Variants in GPC6 observed in about 807,000 individuals in gnomAD.
GPC6 encodes the protein glypican 6.
A neutral mutation model predicts 55.2 loss-of-function variants in GPC6; 14 were observed. That is an observed-to-expected ratio of 0.25 (90% confidence interval 0.17 to 0.40). The LOEUF (loss-of-function observed/expected upper bound fraction) is 0.40, where lower values mean the gene tolerates loss of function less well. Among genes scored for constraint, GPC6 ranks in the 10% least tolerant of loss-of-function variants. The pLI, the probability that GPC6 is intolerant of heterozygous loss-of-function variation, is 1.00. For synonymous variants in GPC6, 278 were observed against 259.6 expected (o/e 1.07, Z -0.68); for missense variants, 641 against 708.5 (o/e 0.90, Z 1.08).
At chr13:93,740,212 T>C (rs918130595) in intron 2 of GPC6, among the ~76,000 whole-genome samples, 5 of 114,080 alleles carry the variant, frequency 4.4e-5, no homozygotes, top group Admixed American at 1.8e-4. Flanking sequence ...GGTCTAATTT[T>C]AATTATATTA....
chr13:94,216,330 A>T (rs9516369), intron 4 of GPC6, among the ~76,000 whole-genome samples: 212 of 152,230 alleles, frequency 1.4e-3, no homozygotes, highest in Non-Finnish European at 2.2e-3. Context: ...AATCTAAGTC[A>T]TAAACTTCAG....
intron 4 of GPC6, among the ~76,000 whole-genome samples, chr13:94,232,772 C>T (rs562959581): frequency 6.6e-6 from 1 of 152,064 alleles, no homozygotes; most frequent in Non-Finnish European, 1.5e-5. Context: ...GGAAGAACAT[C>T]CGTGAGTTTT....
At chr13:94,378,242 CTGAT>C (rs1267422930) in intron 6 of GPC6, among the ~76,000 whole-genome samples, 1 of 151,924 alleles carries the variant, frequency 6.6e-6, no homozygotes, top group Non-Finnish European at 1.5e-5. Flanking sequence ...CTGGATGTGT[CTGAT>C]TATTTATGGT....
intron 4 of GPC6, among the ~76,000 whole-genome samples, chr13:94,029,206 C>G (rs1441763812): frequency 6.6e-6 from 1 of 152,120 alleles, no homozygotes; most frequent in Admixed American, 6.5e-5. Flanking sequence ...GGCTAATTCA[C>G]CATTTTGCTT....
intron 2 of GPC6, among the ~76,000 whole-genome samples, chr13:93,728,922 T>A (rs192012816): frequency 6.6e-6 from 1 of 152,236 alleles, no homozygotes; most frequent in East Asian, 1.9e-4. Flanking sequence ...CTTTTCTAGA[T>A]CAGCAATATC....
chr13:93,659,822 T>C (rs764054015), intron 2 of GPC6, among the ~76,000 whole-genome samples: 13 of 152,056 alleles, frequency 8.5e-5, no homozygotes, highest in Non-Finnish European at 1.9e-4. Flanking sequence ...CTCTGTCTAT[T>C]CTCTCAGTAA....
At chr13:93,725,828 A>G (rs1883617284) in intron 2 of GPC6, among the ~76,000 whole-genome samples, 1 of 152,096 alleles carries the variant, frequency 6.6e-6, no homozygotes. Flanking sequence ...CCACACATGC[A>G]CTATTAAATA....
intron 2 of GPC6, among the ~76,000 whole-genome samples, chr13:93,817,558 A>T (rs1466646415): frequency 6.6e-6 from 1 of 151,916 alleles, no homozygotes; most frequent in East Asian, 1.9e-4. Flanking sequence ...CTTATATTTT[A>T]AAAAATATAA....
At chr13:93,401,008 A>G (rs1876050649) in intron 1 of GPC6, among the ~76,000 whole-genome samples, 1 of 152,178 alleles carries the variant, frequency 6.6e-6, no homozygotes, top group Non-Finnish European at 1.5e-5. Flanking sequence ...GAATGCTCTC[A>G]TACACAGCTC....
chr13:94,172,336 C>T (rs1016524405), intron 4 of GPC6, among the ~76,000 whole-genome samples: 7 of 151,824 alleles, frequency 4.6e-5, no homozygotes, highest in South Asian at 2.1e-4. Context: ...ACTGCTCTTA[C>T]GAGATGATCG....
chr13:94,306,368 C>T, intron 6 of GPC6: 1 of 546,214 alleles, frequency 1.8e-6, no homozygotes, highest in South Asian at 2.1e-5. Context: ...ACCACATTTT[C>T]AACTTCTTAT....
intron 2 of GPC6, among the ~76,000 whole-genome samples, chr13:93,555,265 A>G (rs970898598): frequency 2.6e-5 from 4 of 152,158 alleles, no homozygotes; most frequent in Non-Finnish European, 2.9e-5. Context: ...TTGTAATAGT[A>G]TTCTTCTAAA....
chr13:93,365,562 A>G (rs1881216308), intron 1 of GPC6, among the ~76,000 whole-genome samples: 1 of 152,108 alleles, frequency 6.6e-6, no homozygotes, highest in Non-Finnish European at 1.5e-5. Flanking sequence ...ATTCCCAACA[A>G]TGAAACTCAG....
At position 93,285,640 on chromosome 13, in the gene GPC6, G is replaced by GTGTA. The variant is rs1555287710; in HGVS notation, c.160+58027_160+58028insATGT. Among the ~76,000 whole-genome samples, 659 of 151,310 alleles carry GTGTA rather than the reference G, an allele frequency of 4.4e-3. 8 individuals are homozygous for GTGTA. Among genetic ancestry groups the GTGTA allele is most frequent in the African/African-American group, 0.015 (624 of 41,094 alleles). The stretch of plus-strand genomic sequence containing the variant: ...GCTGTGTGTGTGTGTGTGTGTGTGT[G>GTGTA]TGTGTGTGTGTGTGTGTGTGTGTAT... On this transcript the variant is annotated intron_variant, in intron 1 of 8. Transcript: ENST00000377047.
At chr13:93,732,703 C>T (rs1411717073) in intron 2 of GPC6, among the ~76,000 whole-genome samples, 2 of 152,110 alleles carry the variant, frequency 1.3e-5, no homozygotes, top group East Asian at 3.9e-4. Flanking sequence ...TTATTATAGA[C>T]TCAGATGTGT....
chr13:93,775,278 C>T (rs1009142044), intron 2 of GPC6, among the ~76,000 whole-genome samples: 2 of 152,068 alleles, frequency 1.3e-5, no homozygotes, highest in African/African-American at 2.4e-5. Context: ...TAGCTGGGAC[C>T]ATAGGCGCAC....
intron 4 of GPC6, among the ~76,000 whole-genome samples, chr13:94,233,014 G>C (rs1260629558): frequency 3.4e-5 from 2 of 59,382 alleles, no homozygotes; most frequent in African/African-American, 1.5e-4. Context: ...TTTTTTTTTG[G>C]TGGGACCAGG....
At chr13:93,772,767 G>A (rs1291376226) in intron 2 of GPC6, among the ~76,000 whole-genome samples, 2 of 151,974 alleles carry the variant, frequency 1.3e-5, no homozygotes, top group African/African-American at 2.4e-5. Flanking sequence ...CCTTATCCTC[G>A]GTCCTCAGAT....
In GPC6 at chr13:94,272,670, G is replaced by A. The variant is rs143652067; in HGVS notation, c.878-13679G>A. Among the ~76,000 whole-genome samples, 169 of 151,802 alleles carry A rather than the reference G, an allele frequency of 1.1e-3. 1 individual carries two copies. The East Asian group carries it at 0.024, about 21-fold the overall frequency. ...TTTTTGGTAGAGACAGGGTTTCACC[G>A]TGTTAGCCAGGATGGTCTCAATTTC... On this transcript the variant is annotated intron_variant, in intron 4 of 8. Coordinates refer to ENST00000377047, the MANE Select transcript of GPC6 (RefSeq NM_005708.5).
Sources: allele counts gnomAD v4.1 joint callset (sites outside exome capture counted in the v4.1 genomes callset), GRCh38; gene constraint gnomAD v4.1.1; transcripts MANE v1.5; gene names NCBI Gene and HGNC (gene_info 2026-07-23, HGNC 2026-07-21).